IGSF5: variants seen among roughly 807,000 people sequenced by gnomAD.
The protein encoded by IGSF5 is immunoglobulin superfamily member 5, also known as immunoglobulin superfamily 5 like.
Under a neutral mutation model 39.4 loss-of-function variants are expected in IGSF5, and 41 were observed. The observed-to-expected ratio is 1.04, with a 90% CI of 0.81 to 1.35. The LOEUF is 1.35. Ranked by LOEUF, IGSF5 falls within the 40% of genes most tolerant of loss-of-function variation. The pLI, the probability that IGSF5 is intolerant of heterozygous loss-of-function variation, is 0.00. For missense variants in IGSF5, 487 were observed against 494.6 expected (o/e 0.98, Z 0.15); for synonymous variants, 183 against 175.3 (o/e 1.04, Z -0.34).
chr21:39,712,555 G>T, the IGSF5 span, among the ~76,000 whole-genome samples: 1 of 152,098 alleles, frequency 6.6e-6, no homozygotes, highest in Non-Finnish European at 1.5e-5. Context: ...TCTGTGGCTT[G>T]CAGGTTGGGT....
intron 2 of IGSF5, among the ~76,000 whole-genome samples, chr21:39,752,942 C>G (rs1020490094): frequency 1.3e-5 from 2 of 152,116 alleles, no homozygotes; most frequent in Non-Finnish European, 2.9e-5. Flanking sequence ...TCCCCCCACT[C>G]TGTGGGTTGT....
intron 2 of IGSF5, among the ~76,000 whole-genome samples, chr21:39,755,615 T>C (rs1217404108): frequency 6.6e-6 from 1 of 151,782 alleles, no homozygotes; most frequent in East Asian, 1.9e-4. Flanking sequence ...TAGTAAATGA[T>C]TTATTTGACA....
rs1291316534 is a variant in IGSF5 at position 39,747,346 on chromosome 21, C to T, written c.100+1048C>T. Among the ~76,000 whole-genome samples the T allele has an allele frequency of 2.0e-5, 3 of 152,166 alleles. No homozygotes were observed. The East Asian group carries it at 5.8e-4, about 29-fold the overall frequency. On this transcript the variant is annotated intron_variant, in intron 2 of 8. Coordinates refer to ENST00000380588, the MANE Select transcript of IGSF5 (RefSeq NM_001080444.2). ...CCGCCATGATTCAGTTATCTCCCACCAAGTCCCTCCCACAACAGGTGGGAA... is the reference window on the plus strand; with the variant it reads ...CCGCCATGATTCAGTTATCTCCCACTAAGTCCCTCCCACAACAGGTGGGAA...
At chr21:39,797,623 C>T (rs943654989) in intron 8 of IGSF5, among the ~76,000 whole-genome samples, 2 of 152,146 alleles carry the variant, frequency 1.3e-5, no homozygotes, top group East Asian at 1.9e-4. Context: ...CTCAAGGGAT[C>T]CTCCTGCCTC....
chr21:39,764,189 A>T (rs1171353050), intron 2 of IGSF5, among the ~76,000 whole-genome samples: 1 of 151,054 alleles, frequency 6.6e-6, no homozygotes, highest in African/African-American at 2.4e-5. Context: ...GTGGCGGCTT[A>T]CTCCTTCCCT....
the IGSF5 span, among the ~76,000 whole-genome samples, chr21:39,712,182 C>G: frequency 2.0e-5 from 3 of 152,146 alleles, no homozygotes; most frequent in Non-Finnish European, 4.4e-5. Context: ...GTGCCCCATC[C>G]TTGCAGGAGA....
At chr21:39,775,931 T>A (rs1463234450) in intron 4 of IGSF5, among the ~76,000 whole-genome samples, 1 of 152,192 alleles carries the variant, frequency 6.6e-6, no homozygotes, top group Non-Finnish European at 1.5e-5. Flanking sequence ...GATGGAAAGA[T>A]ATGAGCCAGT....
At chr21:39,779,403 A>G in intron 5 of IGSF5, 98 bp downstream of exon 5, 1 of 1,411,478 alleles carries the variant, frequency 7.1e-7, no homozygotes, top group Non-Finnish European at 9.6e-7. Flanking sequence ...AAGATAGATT[A>G]ACTACAATAT....
At chr21:39,731,600 T>G in the IGSF5 span, among the ~76,000 whole-genome samples, 233 of 152,298 alleles carry the variant, frequency 1.5e-3, 1 homozygote, top group African/African-American at 5.5e-3. Flanking sequence ...TAGGGTGCAT[T>G]GTTGCTGCCT....
Position 39,771,069 on chromosome 21 carries a change from C to T in IGSF5, c.572C>T (p.Pro191Leu), listed in dbSNP as rs140750069. The change falls in exon 4 of 9, where the codon CCG becomes CTG. Residue 191 changes from proline (P) to leucine (L), a missense_variant. Coordinates refer to ENST00000380588, the MANE Select transcript of IGSF5 (RefSeq NM_001080444.2). ...LVSHSSYYFV[P>L]EPSDLQSAVS... ...AGCCATTCAAGCTATTATTTTGTTC[C>T]GGAGCCCAGCGACCTTCAAAGTGCA... The T allele has an allele frequency of 5.4e-5, 87 of 1,613,674 alleles. No individual in the cohort carries two copies. The African/African-American group carries it at 7.9e-4, about 15-fold the overall frequency.
the IGSF5 span, among the ~76,000 whole-genome samples, chr21:39,723,870 G>A: frequency 6.6e-6 from 1 of 152,032 alleles, no homozygotes; most frequent in Admixed American, 6.6e-5. Flanking sequence ...CTTTGGGCCT[G>A]GCATGGTGGC....
chr21:39,769,100 G>A (rs1182659205), intron 3 of IGSF5, among the ~76,000 whole-genome samples: 1 of 152,152 alleles, frequency 6.6e-6, no homozygotes, highest in Non-Finnish European at 1.5e-5. Context: ...CATTCAAAGT[G>A]CCAGATAGTG....
At chr21:39,776,656 C>T (rs940860754) in intron 4 of IGSF5, among the ~76,000 whole-genome samples, 1 of 152,178 alleles carries the variant, frequency 6.6e-6, no homozygotes, top group Non-Finnish European at 1.5e-5. Context: ...CAGGCCCTCT[C>T]TGTCCTAGAT....
At chr21:39,785,420 C>T (rs1032993337) in intron 5 of IGSF5, among the ~76,000 whole-genome samples, 7 of 152,128 alleles carry the variant, frequency 4.6e-5, no homozygotes, top group Non-Finnish European at 1.0e-4. Context: ...ACCTATATCT[C>T]TGTTTTGGTA....
At chr21:39,762,194 T>C (rs2080064849) in intron 2 of IGSF5, among the ~76,000 whole-genome samples, 1 of 152,126 alleles carries the variant, frequency 6.6e-6, no homozygotes, top group South Asian at 2.1e-4. Flanking sequence ...AGAGTCAAAC[T>C]TCGTAAAGTG....
the IGSF5 span, among the ~76,000 whole-genome samples, chr21:39,719,065 G>A: frequency 6.6e-6 from 1 of 152,130 alleles, no homozygotes; most frequent in African/African-American, 2.4e-5. Flanking sequence ...TTTCTTCCTG[G>A]CCCAATCTTG....
rs775844513 is a variant in IGSF5 at position 39,788,164 on chromosome 21, C to T, written c.935-3C>T. On this transcript the variant is annotated splice_region_variant and splice_polypyrimidine_tract_variant and intron_variant, in intron 5 of 8. Transcript: ENST00000380588. Reference sequence around the variant, plus strand: ...TCCAATGTAATTTTGTTCTTTTTTGCAGGATTTCGTATTCAATTTCAAAAG... The same window carrying T: ...TCCAATGTAATTTTGTTCTTTTTTGTAGGATTTCGTATTCAATTTCAAAAG... The T allele has an allele frequency of 1.4e-5, 22 of 1,589,456 alleles. No individual in the cohort carries two copies. Among genetic ancestry groups the T allele is most frequent in the Non-Finnish European group, 1.1e-5 (13 of 1,162,954 alleles).
chr21:39,719,508 G>A, the IGSF5 span, among the ~76,000 whole-genome samples: 1 of 152,192 alleles, frequency 6.6e-6, no homozygotes, highest in Non-Finnish European at 1.5e-5. Context: ...TCAGGCATAT[G>A]ATGAATCCCT....
At chr21:39,764,776 G>T (rs2080077590) in intron 2 of IGSF5, among the ~76,000 whole-genome samples, 1 of 152,236 alleles carries the variant, frequency 6.6e-6, no homozygotes, top group Non-Finnish European at 1.5e-5. Context: ...AGGACATGTT[G>T]CAGTGTCACT....
Sources: allele counts gnomAD v4.1 joint callset (sites outside exome capture counted in the v4.1 genomes callset), GRCh38; gene constraint gnomAD v4.1.1; transcripts MANE v1.5; gene names NCBI Gene and HGNC (gene_info 2026-07-23, HGNC 2026-07-21).